CFAP61: variants seen among roughly 807,000 people sequenced by gnomAD.
CFAP61 encodes the protein cilia and flagella associated protein 61.
In CFAP61, 107 loss-of-function variants were observed where a neutral mutation model predicts 135.6. The ratio of observed to expected loss-of-function variants is 0.79; its 90% CI spans 0.67 to 0.93. The LOEUF (loss-of-function observed/expected upper bound fraction) is 0.93. CFAP61 is among the 40% of genes least tolerant of loss of function. The pLI is 0.00. For missense variants in CFAP61, 1,507 were observed against 1,556.2 expected, an observed-to-expected ratio of 0.97 and a Z score of 0.53; for synonymous variants, 575 against 578.5, an observed-to-expected ratio of 0.99 and a Z score of 0.09.
chr20:20,264,753 A>G (rs1468886259), intron 21 of CFAP61, among the ~76,000 whole-genome samples: 2 of 152,168 alleles, frequency 1.3e-5, no homozygotes, highest in African/African-American at 4.8e-5. Context: ...TTAGCTGGGC[A>G]TGGTGGTGTA....
At chr20:20,143,769 G>A (rs1262449012) in intron 9 of CFAP61, among the ~76,000 whole-genome samples, 1 of 152,170 alleles carries the variant, frequency 6.6e-6, no homozygotes, top group Non-Finnish European at 1.5e-5. Flanking sequence ...AAGTCTGAAG[G>A]ACAGAGTACT....
intron 24 of CFAP61, among the ~76,000 whole-genome samples, chr20:20,294,645 A>T (rs1222458609): frequency 6.6e-6 from 1 of 152,110 alleles, no homozygotes; most frequent in Admixed American, 6.5e-5. Context: ...ATAATACCAA[A>T]AGGTCGGGCG....
intron 16 of CFAP61, among the ~76,000 whole-genome samples, chr20:20,198,953 G>C (rs1257125353): frequency 1.3e-5 from 2 of 152,168 alleles, no homozygotes; most frequent in African/African-American, 4.8e-5. Flanking sequence ...TAACTCTTCA[G>C]ATTTAAATGG....
At chr20:20,343,942 G>A (rs974395246) in intron 26 of CFAP61, among the ~76,000 whole-genome samples, 1 of 152,198 alleles carries the variant, frequency 6.6e-6, no homozygotes, top group East Asian at 1.9e-4. Flanking sequence ...TGGACAGCAG[G>A]CCCAGGCAGC....
intron 9 of CFAP61, among the ~76,000 whole-genome samples, chr20:20,153,671 A>G (rs888079589): frequency 6.6e-6 from 1 of 152,158 alleles, no homozygotes; most frequent in Non-Finnish European, 1.5e-5. Flanking sequence ...GAAGAAATAG[A>G]AACTCTGAAC....
In CFAP61 at chr20:20,320,428, GTAATA is replaced by G. The variant is rs750441985; in HGVS notation, c.3423-21395_3423-21391del. On this transcript the variant is annotated intron_variant, in intron 25 of 26. Coordinates refer to ENST00000245957, the MANE Select transcript of CFAP61 (RefSeq NM_015585.4). ...AATATATGTAATATATATTATATAT[GTAATA>G]TAATATATGTAATATATATTATATA... is the stretch of plus-strand genomic sequence containing the variant. 2.0e-4 allele frequency among the ~76,000 whole-genome samples: 13 copies of G among 63,518 alleles called. 2 individuals carry two copies. Among genetic ancestry groups the G allele is most frequent in the South Asian group, 8.6e-4 (2 of 2,318 alleles). The allele number at this position is 63,518 out of a possible 152,430, so 41.7% of individuals were successfully genotyped here.
intron 2 of CFAP61, among the ~76,000 whole-genome samples, chr20:20,057,755 T>G (rs1174688581): frequency 6.6e-6 from 1 of 152,204 alleles, no homozygotes; most frequent in African/African-American, 2.4e-5. Flanking sequence ...TTTGCTCTAT[T>G]GCCCAGATCT....
At chr20:20,102,761 A>G (rs1349848321) in intron 8 of CFAP61, among the ~76,000 whole-genome samples, 6 of 152,024 alleles carry the variant, frequency 3.9e-5, no homozygotes, top group African/African-American at 1.5e-4. Flanking sequence ...TACATCCTGG[A>G]ACCACCTCCA....
At chr20:20,242,407 G>C (rs1261235297) in intron 18 of CFAP61, among the ~76,000 whole-genome samples, 1 of 152,226 alleles carries the variant, frequency 6.6e-6, no homozygotes, top group Non-Finnish European at 1.5e-5. Flanking sequence ...GGCAAACACG[G>C]AGTGAGCCTT....
intron 8 of CFAP61, among the ~76,000 whole-genome samples, chr20:20,129,548 G>A (rs1227433859): frequency 6.7e-6 from 1 of 150,070 alleles, no homozygotes; most frequent in East Asian, 1.9e-4. Flanking sequence ...TCTTATTTGA[G>A]TCACATCTGT....
intron 8 of CFAP61, 85 bp from the exon 9 acceptor site, chr20:20,142,772 C>A: frequency 2.6e-6 from 2 of 776,110 alleles, no homozygotes; most frequent in Admixed American, 2.2e-5. Context: ...AGTCTAAAAC[C>A]ATGTGACCAT....
At chr20:20,194,257 A>G (rs944659341) in intron 15 of CFAP61, among the ~76,000 whole-genome samples, 1 of 152,056 alleles carries the variant, frequency 6.6e-6, no homozygotes. Flanking sequence ...TTTACTCATC[A>G]TTTTAGATTT....
intron 17 of CFAP61, among the ~76,000 whole-genome samples, chr20:20,219,550 G>T (rs1012311436): frequency 5.3e-5 from 8 of 152,294 alleles, no homozygotes; most frequent in African/African-American, 1.7e-4. Context: ...GGATTGGAAA[G>T]AGAAAAATGA....
chr20:20,231,934 C>T (rs1373227718), intron 18 of CFAP61, among the ~76,000 whole-genome samples: 1 of 151,966 alleles, frequency 6.6e-6, no homozygotes, highest in Non-Finnish European at 1.5e-5. Context: ...GGGTTGTGTT[C>T]ATTTGGCCAC....
At chr20:20,060,084 A>T (rs1429203200) in intron 2 of CFAP61, among the ~76,000 whole-genome samples, 5 of 152,210 alleles carry the variant, frequency 3.3e-5, no homozygotes, top group African/African-American at 7.2e-5. Flanking sequence ...GGGGAAAAAA[A>T]AAAAACCAAG....
intron 9 of CFAP61, among the ~76,000 whole-genome samples, chr20:20,153,761 A>G (rs1329228428): frequency 2.6e-5 from 4 of 152,170 alleles, no homozygotes; most frequent in African/African-American, 9.7e-5. Context: ...ATGAATTCAC[A>G]GCTGAATTCT....
intron 13 of CFAP61, among the ~76,000 whole-genome samples, chr20:20,181,653 T>C (rs1159385914): frequency 3.9e-5 from 6 of 152,082 alleles, no homozygotes; most frequent in East Asian, 1.9e-4. Flanking sequence ...AGGTAAAGCC[T>C]TGGGAAGCCC....
At chr20:20,146,749 G>A (rs1253635001) in intron 9 of CFAP61, among the ~76,000 whole-genome samples, 2 of 152,208 alleles carry the variant, frequency 1.3e-5, no homozygotes, top group Admixed American at 6.5e-5. Context: ...AATGTCAGAT[G>A]AAGAACAATA....
chr20:20,342,236 T>C (rs1044749143), intron 26 of CFAP61, among the ~76,000 whole-genome samples: 2 of 152,198 alleles, frequency 1.3e-5, no homozygotes, highest in Non-Finnish European at 2.9e-5. Context: ...AGAACGAACG[T>C]TGCATTCCTT....
Sources: gnomAD v4.1 joint callset for allele counts (sites outside exome capture counted in the v4.1 genomes callset) on GRCh38, gnomAD v4.1.1 for gene constraint, MANE v1.5 for transcripts, NCBI Gene and HGNC (gene_info 2026-07-23, HGNC 2026-07-21) for gene names.